Variants in NLGN1 observed in about 807,000 individuals in gnomAD.
NLGN1 encodes the protein neuroligin-1.
Under a neutral mutation model 65.5 loss-of-function variants are expected in NLGN1, and 12 were observed. The ratio of observed to expected loss-of-function variants is 0.18; its 90% CI spans 0.12 to 0.30. The LOEUF (loss-of-function observed/expected upper bound fraction) is 0.30, where lower values mean the gene tolerates loss of function less well. NLGN1 is among the 10% of genes least tolerant of loss of function. NLGN1 has a pLI of 1.00. For missense variants in NLGN1, 750 were observed against 1,007.1 expected (o/e 0.74, Z 3.46); for synonymous variants, 350 against 359.5 (o/e 0.97, Z 0.30).
At chr3:174,238,438 C>A (rs1742152763) in intron 4 of NLGN1, among the ~76,000 whole-genome samples, 1 of 152,068 alleles carries the variant, frequency 6.6e-6, no homozygotes, top group African/African-American at 2.4e-5. Context: ...TCTCAGCTCA[C>A]TGCAACCTCT....
At chr3:173,719,606 A>G (rs1282280179) in intron 3 of NLGN1, among the ~76,000 whole-genome samples, 1 of 152,082 alleles carries the variant, frequency 6.6e-6, no homozygotes, top group Admixed American at 6.6e-5. Context: ...TGGGAAATCT[A>G]TTGGTAGATA....
intron 2 of NLGN1, among the ~76,000 whole-genome samples, chr3:173,442,527 T>A (rs1394091292): frequency 6.6e-6 from 1 of 152,178 alleles, no homozygotes; most frequent in Non-Finnish European, 1.5e-5. Flanking sequence ...GTAACTTCAC[T>A]TTGTTAGCAT....
intron 4 of NLGN1, among the ~76,000 whole-genome samples, chr3:174,027,559 G>A (rs1185484447): frequency 6.6e-6 from 1 of 151,822 alleles, no homozygotes; most frequent in Non-Finnish European, 1.5e-5. Flanking sequence ...ACCACTAAGG[G>A]GACAGGGAAG....
intron 2 of NLGN1, among the ~76,000 whole-genome samples, chr3:173,446,238 C>CCGGTGTGT (rs397874019): frequency 6.7e-6 from 1 of 150,308 alleles, no homozygotes; most frequent in African/African-American, 2.5e-5. Context: ...ACAACAGTCC[C>CCGGTGTGT]GGTGTGTGAT....
chr3:173,406,298 G>A (rs1718640001), intron 1 of NLGN1, among the ~76,000 whole-genome samples: 2 of 151,292 alleles, frequency 1.3e-5, no homozygotes, highest in South Asian at 4.2e-4. Context: ...CTTATGCAAG[G>A]AATTAACTAT....
chr3:174,197,518 CAAAAA>C (rs10663769), intron 4 of NLGN1, among the ~76,000 whole-genome samples: 1 of 100,410 alleles, frequency 1.0e-5, no homozygotes, highest in African/African-American at 4.2e-5. Context: ...TACTTAACCT[CAAAAA>C]AAAAAAAAAA....
chr3:173,907,362 G>T (rs567223121), intron 4 of NLGN1, among the ~76,000 whole-genome samples: 1 of 152,260 alleles, frequency 6.6e-6, no homozygotes, highest in African/African-American at 2.4e-5. Context: ...TGTCCAGTTA[G>T]TGGAGAATAC....
intron 4 of NLGN1, among the ~76,000 whole-genome samples, chr3:173,958,853 C>T (rs1289567088): frequency 6.6e-6 from 1 of 152,166 alleles, no homozygotes; most frequent in African/African-American, 2.4e-5. Context: ...CTCCCATGCT[C>T]ATTGGTGCCC....
rs374413056 is a variant in NLGN1, at chr3:173,545,902, C to T, written c.-320-58377C>T. On this transcript the variant is annotated intron_variant, in intron 2 of 6. Coordinates refer to ENST00000457714, the Ensembl canonical transcript of NLGN1. Reference sequence around the variant, plus strand: ...AAGTGGGAGTTGAACAATGAGAACACATGGACACAGGGAGGGGAACATCAC... The same window carrying T: ...AAGTGGGAGTTGAACAATGAGAACATATGGACACAGGGAGGGGAACATCAC... Among the ~76,000 whole-genome samples the T allele has an allele frequency of 2.6e-5, 4 of 151,712 alleles. No individual in the cohort carries two copies. The East Asian group carries it at 7.8e-4, about 30-fold the overall frequency.
intron 1 of NLGN1, among the ~76,000 whole-genome samples, chr3:173,408,860 C>T (rs1016149294): frequency 4.7e-5 from 7 of 147,472 alleles, no homozygotes; most frequent in Non-Finnish European, 7.4e-5. Context: ...TGCAGTGAGC[C>T]GAGATTGTGC....
Position 173,823,470 on chromosome 3 carries a change from A to G in NLGN1, c.646+15638A>G, listed in dbSNP as rs369166113. 5.9e-5 allele frequency among the ~76,000 whole-genome samples: 9 copies of G among 152,204 alleles called. No individual in the cohort carries two copies. In the South Asian group the frequency reaches 1.0e-3, roughly 18 times the overall value. On this transcript the variant is annotated intron_variant, in intron 4 of 6. Transcript: ENST00000457714. ...AATTTTTTATTCTTTGAAATATGCT[A>G]TGTACTTTATATTGTACTTACAAAA...
At chr3:173,453,680 C>T (rs566449437) in intron 2 of NLGN1, among the ~76,000 whole-genome samples, 10 of 152,302 alleles carry the variant, frequency 6.6e-5, no homozygotes, top group South Asian at 2.1e-4. Flanking sequence ...AGTTTGTTCA[C>T]GAGATTGCAG....
intron 4 of NLGN1, among the ~76,000 whole-genome samples, chr3:173,926,022 G>A (rs920900849): frequency 4.6e-5 from 7 of 151,412 alleles, no homozygotes; most frequent in African/African-American, 1.7e-4. Context: ...TAGAATCTTG[G>A]TATACTAAAA....
chr3:173,556,284 A>T (rs1277689596), intron 2 of NLGN1, among the ~76,000 whole-genome samples: 1 of 152,164 alleles, frequency 6.6e-6, no homozygotes, highest in African/African-American at 2.4e-5. Context: ...TTCTGTGTAC[A>T]AGCACACATT....
chr3:174,254,306 A>ATTTTTTTTT (rs371427726), intron 4 of NLGN1, among the ~76,000 whole-genome samples: 14 of 113,754 alleles, frequency 1.2e-4, no homozygotes, highest in African/African-American at 2.1e-4. Context: ...GTCCTTTTTA[A>ATTTTTTTTT]TTTTTTTTTT....
At chr3:173,754,099 T>C (rs1221998766) in intron 3 of NLGN1, among the ~76,000 whole-genome samples, 9 of 150,192 alleles carry the variant, frequency 6.0e-5, no homozygotes, top group African/African-American at 2.2e-4. Context: ...AGCGGGGTAG[T>C]GCAGTGGCAT....
chr3:173,947,929 A>G (rs931994618), intron 4 of NLGN1, among the ~76,000 whole-genome samples: 1 of 152,200 alleles, frequency 6.6e-6, no homozygotes, highest in African/African-American at 2.4e-5. Flanking sequence ...CATCTCACTC[A>G]ATGGTAGTAC....
chr3:174,141,597 A>T (rs1371205923), intron 4 of NLGN1, among the ~76,000 whole-genome samples: 1 of 152,206 alleles, frequency 6.6e-6, no homozygotes, highest in African/African-American at 2.4e-5. Context: ...CTCTGGAGCT[A>T]TATTTGTAAT....
At chr3:174,255,798 A>G (rs1745641987) in intron 4 of NLGN1, among the ~76,000 whole-genome samples, 1 of 151,928 alleles carries the variant, frequency 6.6e-6, no homozygotes, top group Admixed American at 6.6e-5. Flanking sequence ...AGCTGGAACT[A>G]CAATCATGTA....
Sources: allele counts gnomAD v4.1 joint callset (sites outside exome capture counted in the v4.1 genomes callset), GRCh38; gene constraint gnomAD v4.1.1; transcripts MANE v1.5; gene names NCBI Gene and HGNC (gene_info 2026-07-23, HGNC 2026-07-21).